TXNRD3: variants seen among roughly 807,000 people sequenced by gnomAD.
The protein encoded by TXNRD3 is TXNRD3 neighbor gene protein.
A neutral mutation model predicts 78.2 loss-of-function variants in TXNRD3; 68 were observed. The observed-to-expected ratio is 0.87, with a 90% CI of 0.72 to 1.06. The LOEUF is 1.06. Among genes scored for constraint, TXNRD3 ranks in the 50% least tolerant of loss-of-function variants. The pLI is 0.00. For missense variants in TXNRD3, 751 were observed against 809.5 expected, an observed-to-expected ratio of 0.93 and a Z score of 0.88; for synonymous variants, 296 against 300.1, an observed-to-expected ratio of 0.99 and a Z score of 0.14.
In TXNRD3 at chr3:126,654,919, A is replaced by G. The variant is rs1048901769; in HGVS notation, c.72T>C (p.His24=). The change falls in exon 1 of 16, where the codon CAT becomes CAC. Residue 24 remains histidine (H), a synonymous_variant. Coordinates refer to ENST00000524230, the MANE Select transcript of TXNRD3 (RefSeq NM_052883.3). Reference sequence around the variant, plus strand: ...GCGACAACACGCGCGCCCCTCGGACATGGCCCGAGCGGCGGTTGGGGGCAT... The same window carrying G: ...GCGACAACACGCGCGCCCCTCGGACGTGGCCCGAGCGGCGGTTGGGGGCAT... 4.5e-5 allele frequency: 58 copies of G among 1,301,474 alleles called. No homozygotes were observed. Among genetic ancestry groups the G allele is most frequent in the Non-Finnish European group, 5.1e-5 (53 of 1,032,060 alleles). The allele number at this position is 1,301,474 out of a possible 1,614,324, so 80.6% of individuals were successfully genotyped here.
At chr3:126,624,295 G>A (rs1023235431) in intron 10 of TXNRD3, among the ~76,000 whole-genome samples, 10 of 152,140 alleles carry the variant, frequency 6.6e-5, no homozygotes, top group African/African-American at 1.9e-4. Context: ...CAAAATTAGA[G>A]GACTCACTCT....
Position 126,607,845 on chromosome 3 carries a change from G to A in TXNRD3, c.*60C>T. 7.2e-7 allele frequency: 1 copy of A among 1,381,666 alleles called. No individual in the cohort carries two copies. Among genetic ancestry groups the A allele is most frequent in the East Asian group, 2.6e-5 (1 of 39,214 alleles). 85.6% of individuals were successfully genotyped at this position (1,381,666 alleles called of 1,614,324 possible). Reference sequence around the variant, plus strand: ...ATGAGCACAGGCTCATTTTATCCGAGAGCATTCTTATCTTTGAGAGAAATG... The same window carrying A: ...ATGAGCACAGGCTCATTTTATCCGAAAGCATTCTTATCTTTGAGAGAAATG... On this transcript the variant is annotated 3_prime_UTR_variant, in exon 16 of 16. Transcript: ENST00000524230.
intron 10 of TXNRD3, among the ~76,000 whole-genome samples, chr3:126,626,378 GA>G (rs1395856632): frequency 6.6e-6 from 1 of 152,006 alleles, no homozygotes; most frequent in Non-Finnish European, 1.5e-5. Flanking sequence ...CAGACGTGAA[GA>G]AAATATTCAA....
chr3:126,622,630 G>T, intron 10 of TXNRD3, 90 bp from the exon 11 acceptor site: 1 of 929,392 alleles, frequency 1.1e-6, no homozygotes, highest in Non-Finnish European at 1.6e-6. Context: ...CATTAAAAGG[G>T]TAATAATGGA....
At position 126,621,780 on chromosome 3, in the gene TXNRD3, G is replaced by C. The variant is rs1938462082; in HGVS notation, c.1486C>G (p.Leu496Val). 1 of 1,529,824 alleles carries C rather than the reference G, an allele frequency of 6.5e-7. No individual in the cohort carries two copies. Among genetic ancestry groups the C allele is most frequent in the Non-Finnish European group, 8.7e-7 (1 of 1,145,210 alleles). 94.8% of individuals were successfully genotyped at this position (1,529,824 alleles called of 1,614,324 possible). ...GCCCCAAAAAGTCTCTGAGCTAGCA[G>C]CTTGCCTGACTGTATGGCGACAGGA... Residue 496 changes from leucine (L) to valine (V), a missense_variant, in exon 12 of 16, where the codon CTG becomes GTG. Physicochemically the swap from Leu to Val is conservative, Grantham distance 32 (BLOSUM62 1). Transcript: ENST00000524230.
At chr3:126,619,985 T>C (rs1428220502) in intron 12 of TXNRD3, among the ~76,000 whole-genome samples, 1 of 152,170 alleles carries the variant, frequency 6.6e-6, no homozygotes, top group Non-Finnish European at 1.5e-5. Flanking sequence ...CCACATGTAC[T>C]GTGCAAATCA....
chr3:126,623,162 C>A (rs1198348466), intron 10 of TXNRD3, among the ~76,000 whole-genome samples: 1 of 152,178 alleles, frequency 6.6e-6, no homozygotes, highest in Non-Finnish European at 1.5e-5. Flanking sequence ...GCAGCCCTGG[C>A]AAACTAATAT....
intron 14 of TXNRD3, chr3:126,609,352 C>T: frequency 5.1e-6 from 1 of 197,636 alleles, no homozygotes; most frequent in South Asian, 7.8e-5. Flanking sequence ...AGCAACAGCT[C>T]AGAACAGTCA....
At chr3:126,654,076 G>A (rs11718498) in intron 1 of TXNRD3, among the ~76,000 whole-genome samples, 55,644 of 151,362 alleles carry the variant, frequency 0.37, 11,093 homozygotes, top group East Asian at 0.62. Flanking sequence ...AGGGAGGGAG[G>A]AGACAGCCAA....
intron 13 of TXNRD3, among the ~76,000 whole-genome samples, chr3:126,612,343 T>C (rs1449017704): frequency 6.6e-6 from 1 of 152,160 alleles, no homozygotes; most frequent in Non-Finnish European, 1.5e-5. Context: ...CCACCACTTC[T>C]ACCTATTTTA....
intron 11 of TXNRD3, 109 bp downstream of exon 11, chr3:126,622,355 T>C (rs1403802086): frequency 1.2e-5 from 9 of 722,336 alleles, no homozygotes; most frequent in Non-Finnish European, 1.9e-5. Context: ...ACTGAACTTA[T>C]AAGATAAATT....
In TXNRD3 at chr3:126,610,575, G is replaced by A. The variant is rs774682560; in HGVS notation, c.1728+462C>T. 1.1e-4 allele frequency among the ~76,000 whole-genome samples: 16 copies of A among 152,160 alleles called. 1 individual carries two copies. Among genetic ancestry groups the A allele is most frequent in the Admixed American group, 9.2e-4 (14 of 15,286 alleles). ...TGAACATCTCCATCTAAAGACTTTT[G>A]ACACACATTCAGTCTGTTTATAAAA... On this transcript the variant is annotated intron_variant, in intron 14 of 15. Coordinates refer to ENST00000524230, the MANE Select transcript of TXNRD3 (RefSeq NM_052883.3).
chr3:126,607,899 G>A lies in TXNRD3; in HGVS notation c.*6C>T. The A allele has an allele frequency of 6.6e-7, 1 of 1,504,358 alleles. No homozygotes were observed. Among genetic ancestry groups the A allele is most frequent in the South Asian group, 1.2e-5 (1 of 80,402 alleles). The allele number at this position is 1,504,358 out of a possible 1,614,324, so 93.2% of individuals were successfully genotyped here. On this transcript the variant is annotated 3_prime_UTR_variant, in exon 16 of 16. Coordinates refer to ENST00000524230, the MANE Select transcript of TXNRD3 (RefSeq NM_052883.3). ...ATATGACAAGGAGAACTAAACAGCAGCAGGCCTAGCCTCAGCAGCCTTTCT... is the reference window on the plus strand; with the variant it reads ...ATATGACAAGGAGAACTAAACAGCAACAGGCCTAGCCTCAGCAGCCTTTCT...
Position 126,630,666 on chromosome 3 carries a change from A to T in TXNRD3, c.1197+46T>A. 3 of 1,476,606 alleles carry T rather than the reference A, an allele frequency of 2.0e-6. No individual in the cohort carries two copies. In the South Asian group the frequency reaches 3.6e-5, roughly 18 times the overall value. The allele number at this position is 1,476,606 out of a possible 1,614,324, so 91.5% of individuals were successfully genotyped here. On this transcript the variant is annotated intron_variant, in intron 9 of 15. Transcript: ENST00000524230. ...AATGAAATGAAGTAAGGTGAGATAA[A>T]GTGAAAAGTTAGAGAAAAAAAATTG...
In TXNRD3 at chr3:126,629,452, C is replaced by A; in HGVS notation, c.1217G>T (p.Gly406Val). 3 of 1,535,368 alleles carry A rather than the reference C, an allele frequency of 2.0e-6. No individual in the cohort carries two copies. The highest frequency in any genetic ancestry group is 2.6e-6 in the Non-Finnish European group (3 of 1,146,386). The stretch of plus-strand genomic sequence containing the variant: ...CAACACTTTCAGCTTTCCAGGTGAA[C>A]CTTTCTCCAACTGTTGAACCTAGTA... The change falls in exon 10 of 16, where the codon GGT becomes GTT. Residue 406 changes from glycine (G) to valine (V), a missense_variant. Gly to Val is a moderately radical substitution (Grantham distance 109). Transcript: ENST00000524230.
intron 10 of TXNRD3, among the ~76,000 whole-genome samples, chr3:126,627,224 G>T (rs937659932): frequency 6.6e-6 from 1 of 152,102 alleles, no homozygotes; most frequent in African/African-American, 2.4e-5. Context: ...AAATCTATAC[G>T]ATAAAAAGAA....
At chr3:126,654,104 T>C (rs1445748298) in intron 1 of TXNRD3, among the ~76,000 whole-genome samples, 1 of 152,144 alleles carries the variant, frequency 6.6e-6, no homozygotes, top group Non-Finnish European at 1.5e-5. Flanking sequence ...TCTACAGTAC[T>C]AGTGTCACTT....
At chr3:126,643,889 C>A in intron 5 of TXNRD3, 92 bp downstream of exon 5, 1 of 1,237,908 alleles carries the variant, frequency 8.1e-7, no homozygotes, top group South Asian at 1.5e-5. Context: ...CGAGTTATAC[C>A]TCTTGAGATT....
intron 10 of TXNRD3, among the ~76,000 whole-genome samples, chr3:126,626,355 C>T (rs1353563945): frequency 2.6e-5 from 4 of 152,116 alleles, no homozygotes; most frequent in Non-Finnish European, 5.9e-5. Flanking sequence ...CTGAAAAATA[C>T]ATAGGCAAGT....
Sources: gnomAD v4.1 joint callset for allele counts (sites outside exome capture counted in the v4.1 genomes callset) on GRCh38, gnomAD v4.1.1 for gene constraint, MANE v1.5 for transcripts, NCBI Gene and HGNC (gene_info 2026-07-23, HGNC 2026-07-21) for gene names.